Variants in NOPCHAP1 observed in about 807,000 individuals in gnomAD.
The protein encoded by NOPCHAP1 is DNA damage-sensitive RNA 1.
Under a neutral mutation model 14.0 loss-of-function variants are expected in NOPCHAP1, and 13 were observed. The observed-to-expected ratio is 0.93, with a 90% CI of 0.60 to 1.47. The LOEUF (loss-of-function observed/expected upper bound fraction) is 1.47. Among genes scored for constraint, NOPCHAP1 ranks in the 40% most tolerant of loss-of-function variants. The pLI, the probability that NOPCHAP1 is intolerant of heterozygous loss-of-function variation, is 0.00. For synonymous variants in NOPCHAP1, 78 were observed against 78.4 expected (o/e 1.00, Z 0.03); for missense variants, 230 against 226.9 (o/e 1.01, Z -0.09).
chr12:105,017,003 C>T lies in NOPCHAP1; in HGVS notation c.*22307C>T, dbSNP rs1428779255. The T allele has an allele frequency of 2.6e-5, 4 of 152,152 alleles. No individual in the cohort carries two copies. Among genetic ancestry groups the T allele is most frequent in the Non-Finnish European group, 4.4e-5 (3 of 68,040 alleles). The allele number at this position is 152,152 out of a possible 1,614,324, so 9.4% of individuals were successfully genotyped here. ...TGAAATGTTCTCTTCAAACTTGTGGCGTACCGTCTTTCTATGGCTCTGTGA... is the reference window on the plus strand; with the variant it reads ...TGAAATGTTCTCTTCAAACTTGTGGTGTACCGTCTTTCTATGGCTCTGTGA... On this transcript the variant is annotated 3_prime_UTR_variant, in exon 4 of 4. Coordinates refer to ENST00000552951, the MANE Select transcript of NOPCHAP1 (RefSeq NM_152318.3).
Position 105,007,675 on chromosome 12 carries a change from GGCCCCA to G in NOPCHAP1, c.*12981_*12986del, listed in dbSNP as rs1300215411. 6.9e-6 allele frequency: 1 copy of G among 144,192 alleles called. No individual in the cohort carries two copies. The highest frequency in any genetic ancestry group is 1.5e-5 in the Non-Finnish European group (1 of 66,134). 8.9% of individuals were successfully genotyped at this position (144,192 alleles called of 1,614,324 possible). A position where few individuals can be genotyped will look rare whatever the true frequency, so the allele number is the denominator to read the frequency against. On this transcript the variant is annotated 3_prime_UTR_variant, in exon 4 of 4. Transcript: ENST00000552951. ...TCCCCTAGGCCCCCACCCCCCAACAGGCCCCAGTGTGTGATGTTCCCCTCCCTGTGT... is the reference window on the plus strand; with the variant it reads ...TCCCCTAGGCCCCCACCCCCCAACAGGTGTGTGATGTTCCCCTCCCTGTGT...
In NOPCHAP1 at chr12:105,000,936, T is replaced by A. The variant is rs1873595783; in HGVS notation, c.*6240T>A. On this transcript the variant is annotated 3_prime_UTR_variant, in exon 4 of 4. Coordinates refer to ENST00000552951, the MANE Select transcript of NOPCHAP1 (RefSeq NM_152318.3). ...TTTCAGTAACTATTTCATAAGAAAC[T>A]AATTTATTTTGTATTTTCTGTTGGG... is the stretch of plus-strand genomic sequence containing the variant. 1.3e-5 allele frequency: 2 copies of A among 151,540 alleles called. No homozygotes were observed. Among genetic ancestry groups the A allele is most frequent in the South Asian group, 4.2e-4 (2 of 4,738 alleles). The allele number at this position is 151,540 out of a possible 1,614,324, so 9.4% of individuals were successfully genotyped here.
Position 105,000,388 on chromosome 12 carries a change from G to C in NOPCHAP1, c.*5692G>C, listed in dbSNP as rs537118187. On this transcript the variant is annotated 3_prime_UTR_variant, in exon 4 of 4. Transcript: ENST00000552951. ...GTTGGCATTAGTGGAGTTGTTTCCT[G>C]GTTTTTACCCATTAGCCCACAAACC... 6.6e-6 allele frequency: 1 copy of C among 152,166 alleles called. No individual in the cohort carries two copies. Among genetic ancestry groups the C allele is most frequent in the African/African-American group, 2.4e-5 (1 of 41,492 alleles). 9.4% of individuals were successfully genotyped at this position (152,166 alleles called of 1,614,324 possible). A position where few individuals can be genotyped will look rare whatever the true frequency, so the allele number is the denominator to read the frequency against.
Position 104,999,334 on chromosome 12 carries a change from G to A in NOPCHAP1, c.*4638G>A, listed in dbSNP as rs577670458. ...CTGGTGCACGGTCTGTTGTGGGTGG[G>A]GGTAGTACTGGAGTTCTCTGCCATT... On this transcript the variant is annotated 3_prime_UTR_variant, in exon 4 of 4. Transcript: ENST00000552951. 1 of 152,578 alleles carries A rather than the reference G, an allele frequency of 6.6e-6. No individual in the cohort carries two copies. Among genetic ancestry groups the A allele is most frequent in the South Asian group, 2.1e-4 (1 of 4,820 alleles). 9.5% of individuals were successfully genotyped at this position (152,578 alleles called of 1,614,324 possible).
chr12:105,005,654 T>C lies in NOPCHAP1; in HGVS notation c.*10958T>C, dbSNP rs1873692312. The C allele has an allele frequency of 6.6e-6, 1 of 152,286 alleles. No homozygotes were observed. Among genetic ancestry groups the C allele is most frequent in the Admixed American group, 6.5e-5 (1 of 15,280 alleles). The allele number at this position is 152,286 out of a possible 1,614,324, so 9.4% of individuals were successfully genotyped here. The stretch of plus-strand genomic sequence containing the variant: ...GGAGCTGCAAAGGGAGAGCCTCTGA[T>C]CCTTTTGTTACTTGGGCGTGGAAAG... On this transcript the variant is annotated 3_prime_UTR_variant, in exon 4 of 4. Transcript: ENST00000552951.
In NOPCHAP1 at chr12:105,015,372, T is replaced by G. The variant is rs968897441; in HGVS notation, c.*20676T>G. ...GAATAATGATAATAAATGGATTAAATGGATGCATGAAGGTATACAGGAGAC... is the reference window on the plus strand; with the variant it reads ...GAATAATGATAATAAATGGATTAAAGGGATGCATGAAGGTATACAGGAGAC... On this transcript the variant is annotated 3_prime_UTR_variant, in exon 4 of 4. Coordinates refer to ENST00000552951, the MANE Select transcript of NOPCHAP1 (RefSeq NM_152318.3). 3 of 152,198 alleles carry G rather than the reference T, an allele frequency of 2.0e-5. No homozygotes were observed. Among genetic ancestry groups the G allele is most frequent in the Non-Finnish European group, 4.4e-5 (3 of 68,026 alleles). The allele number at this position is 152,198 out of a possible 1,614,324, so 9.4% of individuals were successfully genotyped here.
At chr12:104,988,301 C>A in intron 2 of NOPCHAP1, 48 bp downstream of exon 2, 2 of 1,439,442 alleles carry the variant, frequency 1.4e-6, no homozygotes, top group South Asian at 1.2e-5. Flanking sequence ...TGAGTTTTGT[C>A]TGATTAAGCT....
In NOPCHAP1 at chr12:105,002,065, GCTTA is replaced by G. The variant is rs1873620502; in HGVS notation, c.*7372_*7375del. 6.6e-6 allele frequency: 1 copy of G among 152,092 alleles called. No homozygotes were observed. The highest frequency in any genetic ancestry group is 6.5e-5 in the Admixed American group (1 of 15,272). The allele number at this position is 152,092 out of a possible 1,614,324, so 9.4% of individuals were successfully genotyped here. On this transcript the variant is annotated 3_prime_UTR_variant, in exon 4 of 4. Transcript: ENST00000552951. ...AAATAGTATGGCCCCAAGGAAGGAG[GCTTA>G]CTGGTATACTGAAATAAGAATGCAA...
In NOPCHAP1 at chr12:105,004,795, T is replaced by G. The variant is rs1204881110; in HGVS notation, c.*10099T>G. On this transcript the variant is annotated 3_prime_UTR_variant, in exon 4 of 4. Transcript: ENST00000552951. ...CCCCCTTTGTGGTCAAAAATCTATGTATAACTTTTGACTCCCTGAAAACTT... is the reference window on the plus strand; with the variant it reads ...CCCCCTTTGTGGTCAAAAATCTATGGATAACTTTTGACTCCCTGAAAACTT... 1 of 152,214 alleles carries G rather than the reference T, an allele frequency of 6.6e-6. No homozygotes were observed. Among genetic ancestry groups the G allele is most frequent in the Non-Finnish European group, 1.5e-5 (1 of 68,038 alleles). The allele number at this position is 152,214 out of a possible 1,614,324, so 9.4% of individuals were successfully genotyped here. A position where few individuals can be genotyped will look rare whatever the true frequency, so the allele number is the denominator to read the frequency against.
rs1873959262 is a variant in NOPCHAP1 at position 105,016,965 on chromosome 12, C to T, written c.*22269C>T. ...GTTTGGCATTTGGAGAGCAGTTGCA[C>T]TCCTAAAATGAGTGAAATGTTCTCT... On this transcript the variant is annotated 3_prime_UTR_variant, in exon 4 of 4. Coordinates refer to ENST00000552951, the MANE Select transcript of NOPCHAP1 (RefSeq NM_152318.3). 1 of 152,172 alleles carries T rather than the reference C, an allele frequency of 6.6e-6. No homozygotes were observed. Among genetic ancestry groups the T allele is most frequent in the South Asian group, 2.1e-4 (1 of 4,828 alleles). The allele number at this position is 152,172 out of a possible 1,614,324, so 9.4% of individuals were successfully genotyped here.
intron 1 of NOPCHAP1, among the ~76,000 whole-genome samples, chr12:104,987,795 A>G (rs1873275153): frequency 2.0e-5 from 3 of 152,220 alleles, no homozygotes; most frequent in African/African-American, 7.2e-5. Flanking sequence ...GCCCAGTGTT[A>G]CACAACTAGT....
At position 105,013,568 on chromosome 12, in the gene NOPCHAP1, A is replaced by G. The variant is rs7138144; in HGVS notation, c.*18872A>G. ...CAGCTAGCTCGGTGTTTGCCCAAAC[A>G]GCCACCCAGCTTTGAGCTTGAAACC... On this transcript the variant is annotated 3_prime_UTR_variant, in exon 4 of 4. Transcript: ENST00000552951. The G allele has an allele frequency of 0.58, 89,038 of 152,918 alleles. 26,705 individuals carry two copies. Among genetic ancestry groups the G allele is most frequent in the East Asian group, 0.76 (3,941 of 5,202 alleles). 9.5% of individuals were successfully genotyped at this position (152,918 alleles called of 1,614,324 possible). A position where few individuals can be genotyped will look rare whatever the true frequency, so the allele number is the denominator to read the frequency against.
intron 3 of NOPCHAP1, 112 bp downstream of exon 3, chr12:104,991,960 G>A: frequency 7.9e-7 from 1 of 1,267,388 alleles, no homozygotes; most frequent in South Asian, 1.6e-5. Context: ...GTTAGCTCAT[G>A]TTTCCAATGT....
intron 2 of NOPCHAP1, among the ~76,000 whole-genome samples, chr12:104,989,487 C>T (rs1019130664): frequency 2.6e-5 from 4 of 152,120 alleles, no homozygotes; most frequent in East Asian, 1.9e-4. Context: ...TTGTTTCTGA[C>T]GCCAGTGTCT....
Position 105,016,845 on chromosome 12 carries a change from C to A in NOPCHAP1, c.*22149C>A, listed in dbSNP as rs1049489149. ...ATATAAAAGTTGTTTTGTTTGTAAG[C>A]AGTTTGCCCTACAGTGTGTGGAAAG... On this transcript the variant is annotated 3_prime_UTR_variant, in exon 4 of 4. Coordinates refer to ENST00000552951, the MANE Select transcript of NOPCHAP1 (RefSeq NM_152318.3). The A allele has an allele frequency of 2.0e-5, 3 of 152,142 alleles. No homozygotes were observed. The highest frequency in any genetic ancestry group is 7.2e-5 in the African/African-American group (3 of 41,426). 9.4% of individuals were successfully genotyped at this position (152,142 alleles called of 1,614,324 possible).
At chr12:104,994,344 C>G in intron 3 of NOPCHAP1, 134 bp from the exon 4 acceptor site, 1 of 820,820 alleles carries the variant, frequency 1.2e-6, no homozygotes, top group East Asian at 2.5e-5. Context: ...AAGACTCTGT[C>G]TCCAAAAAAA....
Position 105,015,582 on chromosome 12 carries a change from C to A in NOPCHAP1, c.*20886C>A, listed in dbSNP as rs1017135537. 6.6e-6 allele frequency: 1 copy of A among 152,182 alleles called. No homozygotes were observed. Among genetic ancestry groups the A allele is most frequent in the African/African-American group, 2.4e-5 (1 of 41,420 alleles). 9.4% of individuals were successfully genotyped at this position (152,182 alleles called of 1,614,324 possible). On this transcript the variant is annotated 3_prime_UTR_variant, in exon 4 of 4. Coordinates refer to ENST00000552951, the MANE Select transcript of NOPCHAP1 (RefSeq NM_152318.3). ...AAGTTGCTGAATAATGTGATGAAAT[C>A]TTAGGCTGTCCCACTTCGTCTCGCC...
chr12:104,989,896 T>G (rs1327862842), intron 2 of NOPCHAP1, among the ~76,000 whole-genome samples: 1 of 152,218 alleles, frequency 6.6e-6, no homozygotes, highest in African/African-American at 2.4e-5. Context: ...TTCTATCAAA[T>G]GTATTTTTTC....
chr12:104,986,379 T>A lies in NOPCHAP1; in HGVS notation c.27T>A (p.Ala9=), dbSNP rs1427630848. The A allele has an allele frequency of 6.2e-7, 1 of 1,611,250 alleles. No individual in the cohort carries two copies. Among genetic ancestry groups the A allele is most frequent in the African/African-American group, 1.3e-5 (1 of 74,810 alleles). ...TGGAGGTCCATGGCAAGCCCAAGGC[T>A]AGCCCGAGTTGTTCGTCGCCCACCC... The part of the protein sequence containing the change: MEVHGKPK[A]SPSCSSPTRD... The change falls in exon 1 of 4, where the codon GCT becomes GCA. Residue 9 remains alanine (A), a synonymous_variant. Coordinates refer to ENST00000552951, the MANE Select transcript of NOPCHAP1 (RefSeq NM_152318.3).
Sources: gnomAD v4.1 joint callset for allele counts (sites outside exome capture counted in the v4.1 genomes callset) on GRCh38, gnomAD v4.1.1 for gene constraint, MANE v1.5 for transcripts, NCBI Gene and HGNC (gene_info 2026-07-23, HGNC 2026-07-21) for gene names.